Variants in EXOC6B observed in about 807,000 individuals in gnomAD.
EXOC6B encodes exocyst complex component 6B.
Under a neutral mutation model 113.5 loss-of-function variants are expected in EXOC6B, and 54 were observed. The observed-to-expected ratio is 0.48, with a 90% CI of 0.38 to 0.60. The LOEUF (loss-of-function observed/expected upper bound fraction) is 0.60. Ranked by LOEUF, EXOC6B falls within the 20% of genes least tolerant of loss-of-function variation. The pLI is 0.00. For missense variants in EXOC6B, 797 were observed against 977.5 expected (o/e 0.82, Z 2.46); for synonymous variants, 357 against 339.0 (o/e 1.05, Z -0.58).
At chr2:72,823,150 T>TTA (rs1553491079) in intron 1 of EXOC6B, among the ~76,000 whole-genome samples, 1 of 73,850 alleles carries the variant, frequency 1.4e-5, no homozygotes, top group African/African-American at 4.8e-5. Flanking sequence ...TGTAATCTGC[T>TTA]AAAAAAAAAA....
chr2:72,457,165 T>C (rs898059298), intron 18 of EXOC6B, among the ~76,000 whole-genome samples: 5 of 152,088 alleles, frequency 3.3e-5, no homozygotes, highest in African/African-American at 1.2e-4. Flanking sequence ...ATGAAAAGTC[T>C]TGATGGACAC....
intron 18 of EXOC6B, among the ~76,000 whole-genome samples, chr2:72,394,195 G>T (rs1270511726): frequency 6.6e-6 from 1 of 151,856 alleles, no homozygotes; most frequent in Non-Finnish European, 1.5e-5. Context: ...ATGACATTAG[G>T]TATATTTGCT....
intron 21 of EXOC6B, among the ~76,000 whole-genome samples, chr2:72,182,364 C>T (rs1678145029): frequency 6.6e-6 from 1 of 152,080 alleles, no homozygotes; most frequent in Non-Finnish European, 1.5e-5. Context: ...AATCCCAGAG[C>T]CCATTTGAAG....
intron 18 of EXOC6B, among the ~76,000 whole-genome samples, chr2:72,404,183 G>C (rs1311092996): frequency 1.3e-5 from 2 of 152,202 alleles, no homozygotes; most frequent in South Asian, 2.1e-4. Context: ...CCATTGCCAA[G>C]GCTTGAGTAG....
chr2:72,678,109 A>C (rs1010031595), intron 6 of EXOC6B, among the ~76,000 whole-genome samples: 22 of 152,278 alleles, frequency 1.4e-4, no homozygotes, highest in African/African-American at 5.3e-4. Context: ...TGACAACATC[A>C]ATGTATTGCA....
In EXOC6B at chr2:72,575,272, G is replaced by A. The variant is rs1008549768; in HGVS notation, c.846+220C>T. On this transcript the variant is annotated intron_variant, in intron 7 of 21. Coordinates refer to ENST00000272427, the MANE Select transcript of EXOC6B (RefSeq NM_015189.3). Reference sequence around the variant, plus strand: ...AACCCTGAAACTTTTCAAAATAGAGGAGTGAATTTAAAATTTGAATTCTCA... The same window carrying A: ...AACCCTGAAACTTTTCAAAATAGAGAAGTGAATTTAAAATTTGAATTCTCA... 2.0e-5 allele frequency among the ~76,000 whole-genome samples: 3 copies of A among 152,146 alleles called. No individual in the cohort carries two copies. In the East Asian group the frequency reaches 5.8e-4, roughly 29 times the overall value.
chr2:72,522,431 A>G (rs933526503), intron 8 of EXOC6B, among the ~76,000 whole-genome samples: 1 of 152,040 alleles, frequency 6.6e-6, no homozygotes, highest in Non-Finnish European at 1.5e-5. Context: ...TTTTTTTTTA[A>G]CCTTTTGTTT....
intron 20 of EXOC6B, among the ~76,000 whole-genome samples, chr2:72,253,736 C>T (rs1683167423): frequency 1.3e-5 from 2 of 152,134 alleles, no homozygotes; most frequent in East Asian, 1.9e-4. Flanking sequence ...TGAAGAACTG[C>T]CTATCAGGTA....
At chr2:72,710,120 G>A (rs551629549) in intron 6 of EXOC6B, among the ~76,000 whole-genome samples, 25 of 151,966 alleles carry the variant, frequency 1.6e-4, no homozygotes, top group African/African-American at 5.3e-4. Flanking sequence ...GTGAGCCACC[G>A]CACCTGGCCA....
intron 8 of EXOC6B, among the ~76,000 whole-genome samples, chr2:72,531,131 C>T (rs985873115): frequency 5.3e-5 from 8 of 151,948 alleles, no homozygotes; most frequent in African/African-American, 1.9e-4. Context: ...ATTCTCTTTG[C>T]TTTTAGTTTG....
intron 6 of EXOC6B, among the ~76,000 whole-genome samples, chr2:72,670,970 T>C (rs7571064): frequency 0.88 from 134,409 of 152,008 alleles, 59,488 homozygotes; most frequent in East Asian, 0.99. Context: ...ATCCAATCAC[T>C]CTACTCAACA....
Position 72,452,370 on chromosome 2 carries a change from A to G in EXOC6B, c.1980+12790T>C, listed in dbSNP as rs577451552. ...TGTCTGAGATACTTTCCTTCAAATA[A>G]CATGTAACATTAGTTCATAATAGGG... is the stretch of plus-strand genomic sequence containing the variant. On this transcript the variant is annotated intron_variant, in intron 18 of 21. Transcript: ENST00000272427. Among the ~76,000 whole-genome samples, 20 of 152,164 alleles carry G rather than the reference A, an allele frequency of 1.3e-4. 1 individual carries two copies. Among genetic ancestry groups the G allele is most frequent in the Non-Finnish European group, 2.8e-4 (19 of 68,020 alleles).
intron 11 of EXOC6B, among the ~76,000 whole-genome samples, chr2:72,504,973 G>A (rs1329064293): frequency 6.6e-6 from 1 of 151,940 alleles, no homozygotes; most frequent in Non-Finnish European, 1.5e-5. Context: ...TAATGATTTG[G>A]TAGGAATTCT....
chr2:72,492,295 G>T, intron 16 of EXOC6B, 23 bp downstream of exon 16: 1 of 1,468,326 alleles, frequency 6.8e-7, no homozygotes, highest in Non-Finnish European at 9.5e-7. Flanking sequence ...TGGCTCGGCT[G>T]CCTTCATTAG....
At chr2:72,668,446 CAA>C (rs112001284) in intron 6 of EXOC6B, among the ~76,000 whole-genome samples, 1 of 137,622 alleles carries the variant, frequency 7.3e-6, no homozygotes. Context: ...ATTGTTCTAC[CAA>C]AAAAAAAAAA....
chr2:72,231,894 G>A (rs997900434), intron 20 of EXOC6B, among the ~76,000 whole-genome samples: 1 of 152,098 alleles, frequency 6.6e-6, no homozygotes, highest in Non-Finnish European at 1.5e-5. Flanking sequence ...TAAAGCAGAA[G>A]TATCATTTGA....
chr2:72,532,227 T>A (rs1702044266), intron 8 of EXOC6B, among the ~76,000 whole-genome samples: 1 of 151,996 alleles, frequency 6.6e-6, no homozygotes, highest in Admixed American at 6.6e-5. Flanking sequence ...AAAAAGGAAA[T>A]GAATGGCCTC....
chr2:72,476,333 C>T (rs1573212197), intron 17 of EXOC6B, among the ~76,000 whole-genome samples: 1 of 152,330 alleles, frequency 6.6e-6, no homozygotes, highest in East Asian at 1.9e-4. Flanking sequence ...CATTTACTGT[C>T]ACTTTTCTAT....
intron 19 of EXOC6B, among the ~76,000 whole-genome samples, chr2:72,360,977 T>C (rs1690276498): frequency 6.6e-6 from 1 of 151,684 alleles, no homozygotes. Flanking sequence ...CCCTTATTCT[T>C]CTCCAAAATA....
Sources: gnomAD v4.1 joint callset for allele counts (sites outside exome capture counted in the v4.1 genomes callset) on GRCh38, gnomAD v4.1.1 for gene constraint, MANE v1.5 for transcripts, NCBI Gene and HGNC (gene_info 2026-07-23, HGNC 2026-07-21) for gene names.